The following PLXNA4 variants were observed in gnomAD, a reference collection of about 807,000 sequenced individuals.
The protein encoded by PLXNA4 is plexin-A4.
In PLXNA4, 44 loss-of-function variants were observed where a neutral mutation model predicts 191.8. The ratio of observed to expected loss-of-function variants is 0.23; its 90% CI spans 0.18 to 0.29. The LOEUF is 0.29. PLXNA4 is among the 10% of genes least tolerant of loss of function. The pLI, the probability that PLXNA4 is intolerant of heterozygous loss-of-function variation, is 1.00. For synonymous variants in PLXNA4, 1,082 were observed against 1,009.5 expected (o/e 1.07, Z -1.36); for missense variants, 1,800 against 2,488.8 (o/e 0.72, Z 5.89).
chr7:132,166,888 T>C (rs1056032502), intron 22 of PLXNA4, among the ~76,000 whole-genome samples: 3 of 152,122 alleles, frequency 2.0e-5, no homozygotes, highest in African/African-American at 7.2e-5. Flanking sequence ...GGCTCTTATA[T>C]GCAGCAGACT....
At chr7:132,591,675 C>CAGG (rs1284631869) in intron 2 of PLXNA4, among the ~76,000 whole-genome samples, 1 of 152,142 alleles carries the variant, frequency 6.6e-6, no homozygotes, top group Non-Finnish European at 1.5e-5. Flanking sequence ...AAAAACATAA[C>CAGG]ACATATAAAG....
intron 1 of PLXNA4, among the ~76,000 whole-genome samples, chr7:132,537,095 C>T (rs74822889): frequency 6.6e-6 from 1 of 152,326 alleles, no homozygotes; most frequent in East Asian, 1.9e-4. Flanking sequence ...GAGGAGCGAG[C>T]TTTCTTTCTG....
At chr7:132,218,233 G>C (rs1400518548) in intron 9 of PLXNA4, among the ~76,000 whole-genome samples, 1 of 152,128 alleles carries the variant, frequency 6.6e-6, no homozygotes, top group Non-Finnish European at 1.5e-5. Flanking sequence ...TTTCTTTTCA[G>C]GGGTGTTGGG....
In PLXNA4 at chr7:132,181,396, C is replaced by A; in HGVS notation, c.3477G>T (p.Thr1159=). The A allele has an allele frequency of 3.1e-6, 5 of 1,613,590 alleles. No homozygotes were observed. The highest frequency in any genetic ancestry group is 4.2e-6 in the Non-Finnish European group (5 of 1,179,850). Residue 1159 remains threonine, a synonymous_variant, in exon 18 of 32, where the codon ACG becomes ACT. Transcript: ENST00000321063. The stretch of plus-strand genomic sequence containing the variant: ...CTCACTCCACCTTTAGGATGATGGG[C>A]GTGCCAGGCTTGAGCTCCAGGATTC... ...PSGILELKPG[T]PIILKGKNLI...
At chr7:132,335,731 C>T (rs943837959) in intron 3 of PLXNA4, among the ~76,000 whole-genome samples, 5 of 152,208 alleles carry the variant, frequency 3.3e-5, no homozygotes, top group African/African-American at 1.2e-4. Context: ...TCTTCGAAGA[C>T]AGGAAAAGGC....
At chr7:132,638,768 T>C (rs959089069) in intron 2 of PLXNA4, among the ~76,000 whole-genome samples, 1 of 152,060 alleles carries the variant, frequency 6.6e-6, no homozygotes, top group Non-Finnish European at 1.5e-5. Context: ...AAAATATATA[T>C]ATATATTAAT....
intron 3 of PLXNA4, among the ~76,000 whole-genome samples, chr7:132,460,224 G>A (rs1796456568): frequency 6.6e-6 from 1 of 152,110 alleles, no homozygotes; most frequent in Non-Finnish European, 1.5e-5. Context: ...CAGGCACAGT[G>A]GTACACACCT....
chr7:132,315,546 C>A (rs1355745507), intron 3 of PLXNA4, among the ~76,000 whole-genome samples: 4 of 152,276 alleles, frequency 2.6e-5, no homozygotes, highest in African/African-American at 9.6e-5. Flanking sequence ...ACATGATGCT[C>A]AAAGTTAGAT....
At chr7:132,358,979 T>C (rs544350428) in intron 3 of PLXNA4, among the ~76,000 whole-genome samples, 1 of 152,188 alleles carries the variant, frequency 6.6e-6, no homozygotes, top group East Asian at 1.9e-4. Context: ...CTTAAAATCA[T>C]TTAGAAGAAA....
chr7:132,315,456 A>C (rs940031994), intron 3 of PLXNA4, among the ~76,000 whole-genome samples: 1 of 152,222 alleles, frequency 6.6e-6, no homozygotes, highest in African/African-American at 2.4e-5. Flanking sequence ...TAATAAATGA[A>C]CCATGATTCC....
chr7:132,255,923 C>A (rs1015970642), intron 4 of PLXNA4, among the ~76,000 whole-genome samples: 1 of 152,278 alleles, frequency 6.6e-6, no homozygotes, highest in Non-Finnish European at 1.5e-5. Context: ...ACACTTCCAA[C>A]TATCTGATGA....
Position 132,163,591 on chromosome 7 carries a change from G to C in PLXNA4, c.4500+551C>G, listed in dbSNP as rs138768630. Among the ~76,000 whole-genome samples, 558 of 152,264 alleles carry C rather than the reference G, an allele frequency of 3.7e-3. 2 individuals are homozygous for C. The highest frequency in any genetic ancestry group is 0.013 in the African/African-American group (538 of 41,560). On this transcript the variant is annotated intron_variant, in intron 24 of 31. Coordinates refer to ENST00000321063, the MANE Select transcript of PLXNA4 (RefSeq NM_020911.2). ...CCTCCTAGGGTAGCTGTTTTTGTCA[G>C]GTGAGGGAGCCTGACCTTGATGGAG...
chr7:132,228,263 G>A, intron 6 of PLXNA4, 83 bp downstream of exon 6: 1 of 1,575,300 alleles, frequency 6.3e-7, no homozygotes, highest in Non-Finnish European at 8.6e-7. Flanking sequence ...TCCTCCAGAG[G>A]GGCCTTGGGC....
At chr7:132,609,659 T>C (rs529566362) in intron 2 of PLXNA4, among the ~76,000 whole-genome samples, 1 of 152,232 alleles carries the variant, frequency 6.6e-6, no homozygotes, top group African/African-American at 2.4e-5. Flanking sequence ...TATAGGTGAA[T>C]AAACAGCCTC....
Position 132,159,997 on chromosome 7 carries a change from A to G in PLXNA4, c.4501-365T>C, listed in dbSNP as rs149369445. 3.0e-3 allele frequency among the ~76,000 whole-genome samples: 450 copies of G among 152,296 alleles called. 2 individuals carry two copies. The highest frequency in any genetic ancestry group is 0.01 in the African/African-American group (420 of 41,580). ...ACCAGTGCATGCATGCACACGTGCT[A>G]TCTCTCTCACATGCATACAGGAGGC... On this transcript the variant is annotated intron_variant, in intron 24 of 31. Transcript: ENST00000321063.
intron 6 of PLXNA4, among the ~76,000 whole-genome samples, chr7:132,228,052 T>G (rs772899159): frequency 3.9e-5 from 6 of 152,192 alleles, no homozygotes; most frequent in Non-Finnish European, 7.3e-5. Flanking sequence ...AAGATATCAT[T>G]CCCAACACCC....
At chr7:132,528,073 G>A (rs572452150) in intron 1 of PLXNA4, among the ~76,000 whole-genome samples, 1 of 152,312 alleles carries the variant, frequency 6.6e-6, no homozygotes, top group South Asian at 2.1e-4. Context: ...CCCAGGACAA[G>A]AATATAACTT....
intron 2 of PLXNA4, among the ~76,000 whole-genome samples, chr7:132,639,474 T>G (rs1029546262): frequency 5.9e-5 from 9 of 152,130 alleles, no homozygotes. Flanking sequence ...CAAAGTAAAA[T>G]ATAATATTTG....
intron 2 of PLXNA4, among the ~76,000 whole-genome samples, chr7:132,503,353 C>T (rs919985747): frequency 3.3e-5 from 5 of 152,096 alleles, no homozygotes; most frequent in Non-Finnish European, 5.9e-5. Context: ...GGTGCTAGTT[C>T]GTTAGTGTTG....
Sources: allele counts gnomAD v4.1 joint callset (sites outside exome capture counted in the v4.1 genomes callset), GRCh38; gene constraint gnomAD v4.1.1; transcripts MANE v1.5; gene names NCBI Gene and HGNC (gene_info 2026-07-23, HGNC 2026-07-21).